Variants in EPN1 observed in about 807,000 individuals in gnomAD.
The protein encoded by EPN1 is epsin-1.
Under a neutral mutation model 56.9 loss-of-function variants are expected in EPN1, and 25 were observed. The ratio of observed to expected loss-of-function variants is 0.44; its 90% CI spans 0.32 to 0.61. The LOEUF is 0.61. EPN1 is among the 20% of genes least tolerant of loss of function. The pLI is 0.05. For synonymous variants in EPN1, 411 were observed against 361.8 expected, an observed-to-expected ratio of 1.14 and a Z score of -1.54; for missense variants, 785 against 823.7, an observed-to-expected ratio of 0.95 and a Z score of 0.58.
At chr19:55,690,922 C>T (rs1215808400) in intron 6 of EPN1, among the ~76,000 whole-genome samples, 1 of 152,202 alleles carries the variant, frequency 6.6e-6, no homozygotes, top group African/African-American at 2.4e-5. Flanking sequence ...AAGGGCTGCC[C>T]TGCTGGGGGA....
rs1396189913 is a variant in EPN1, at chr19:55,691,607, G to C, written c.763-147G>C. On this transcript the variant is annotated intron_variant, in intron 6 of 10. Transcript: ENST00000270460. This position sits in a 1 kb window ranked among gnomAD's most constrained non-coding sequence, Gnocchi z 5.6. ...GGAGGGAGGCCAGGTGGTGTGTTTG[G>C]GGCCTGCCTCCCTCTCACCCCTTAT... 5 of 679,036 alleles carry C rather than the reference G, an allele frequency of 7.4e-6. No individual in the cohort carries two copies. The highest frequency in any genetic ancestry group is 1.3e-5 in the Non-Finnish European group (5 of 398,808). 42.1% of individuals were successfully genotyped at this position (679,036 alleles called of 1,614,324 possible).
chr19:55,685,613 A>C lies in EPN1; in HGVS notation c.446A>C (p.Lys149Thr). 1 of 1,602,840 alleles carries C rather than the reference A, an allele frequency of 6.2e-7. No individual in the cohort carries two copies. ...CGGGAAGAGCGGGCGCACGCGCTCA[A>C]GACCAAGGAAAAGCTGGCACAGACC... Reference protein sequence around the residue: ...RLREERAHALKTKEKLAQTAT... With the variant: ...RLREERAHALTTKEKLAQTAT... The change falls in exon 3 of 11, where the codon AAG (lysine) becomes ACG (threonine). Residue 149 changes from lysine (K) to threonine (T), a missense_variant. By Grantham distance (78) the Lys-to-Thr change is moderately conservative (BLOSUM62 -1). Transcript: ENST00000270460.
In EPN1 at chr19:55,689,750, G is replaced by A. The variant is rs1334582173; in HGVS notation, c.679-117G>A. 18 of 943,740 alleles carry A rather than the reference G, an allele frequency of 1.9e-5. No individual in the cohort carries two copies. The highest frequency in any genetic ancestry group is 4.9e-5 in the African/African-American group (3 of 61,630). The allele number at this position is 943,740 out of a possible 1,614,324, so 58.5% of individuals were successfully genotyped here. ...TTTCATACATTGTCCGCATCCCATC[G>A]AATCCTTCAGCCGCTTTCGTTGGGG... On this transcript the variant is annotated intron_variant, in intron 5 of 10. Transcript: ENST00000270460. This position sits in a 1 kb window ranked among gnomAD's most constrained non-coding sequence, Gnocchi z 5.7.
At position 55,692,421 on chromosome 19, in the gene EPN1, C is replaced by T. The variant is rs183961924; in HGVS notation, c.1067-265C>T. 1.1e-4 allele frequency among the ~76,000 whole-genome samples: 16 copies of T among 151,496 alleles called. No individual in the cohort carries two copies. In the East Asian group the frequency reaches 1.2e-3, roughly 11 times the overall value. ...CCCAGCTGGACAGGGGAGGGGTGGC[C>T]GAGCCGTGGGAGCTGAGGGAGGGCT... On this transcript the variant is annotated intron_variant, in intron 7 of 10. Transcript: ENST00000270460.
rs1333719558 is a variant in EPN1 at position 55,675,271 on chromosome 19, C to T, written c.-266C>T. The T allele has an allele frequency of 1.3e-5, 2 of 152,018 alleles. No individual in the cohort carries two copies. Among genetic ancestry groups the T allele is most frequent in the African/African-American group, 2.4e-5 (1 of 41,442 alleles). 9.4% of individuals were successfully genotyped at this position (152,018 alleles called of 1,614,324 possible). On this transcript the variant is annotated 5_prime_UTR_variant, in exon 1 of 11. Transcript: ENST00000270460. ...GGCGGCTCCCCTCCCCCGCCCGGCT[C>T]TCCGCGCCCCTTCTGGGCGGCGGGG... is the stretch of plus-strand genomic sequence containing the variant.
rs962973188 is a variant in EPN1, at chr19:55,699,881, A to G, written c.*4525A>G. On this transcript the variant is annotated 3_prime_UTR_variant, in exon 11 of 11. Coordinates refer to ENST00000270460, the MANE Select transcript of EPN1 (RefSeq NM_001130072.2). The stretch of plus-strand genomic sequence containing the variant: ...GGATAATTATATAATGTTATGTTTC[A>G]TCCACATTATTTTAGTATGGATATT... 6.6e-6 allele frequency: 1 copy of G among 151,372 alleles called. No homozygotes were observed. Among genetic ancestry groups the G allele is most frequent in the Non-Finnish European group, 1.5e-5 (1 of 67,888 alleles). 9.4% of individuals were successfully genotyped at this position (151,372 alleles called of 1,614,324 possible).
chr19:55,691,279 A>C lies in EPN1; in HGVS notation c.763-475A>C, dbSNP rs1986528848. 6.6e-6 allele frequency among the ~76,000 whole-genome samples: 1 copy of C among 151,642 alleles called. No homozygotes were observed. Among genetic ancestry groups the C allele is most frequent in the Non-Finnish European group, 1.5e-5 (1 of 67,858 alleles). On this transcript the variant is annotated intron_variant, in intron 6 of 10. Transcript: ENST00000270460. This position sits in a 1 kb window ranked among gnomAD's most constrained non-coding sequence, Gnocchi z 5.6. ...GGCATCGTGAGGGGTGCTCAGGTTGACCTGAGTGGGTTCATGGGGGGCTTC... is the reference window on the plus strand; with the variant it reads ...GGCATCGTGAGGGGTGCTCAGGTTGCCCTGAGTGGGTTCATGGGGGGCTTC...
rs369334871 is a variant in EPN1, at chr19:55,691,920, G to A, written c.929G>A (p.Gly310Asp). Residue 310 changes from glycine to aspartate, a missense_variant, in exon 7 of 11, where the codon GGT (glycine) becomes GAT (aspartate). By Grantham distance (94) the Gly-to-Asp change is moderately conservative. Around this residue, in one of 2 missense-constraint regions of EPN1, gnomAD observed 650 missense variants for 605.0 expected, o/e 1.07. Coordinates refer to ENST00000270460, the MANE Select transcript of EPN1 (RefSeq NM_001130072.2). The surrounding 1 kb of genome is among the most constrained non-coding windows in gnomAD (Gnocchi z 5.6). ...CCTCCAGCTGCTGATCCCTGGGGAGGTCCAGCCCCCACGCCGGCCTCTGGG... is the reference window on the plus strand; with the variant it reads ...CCTCCAGCTGCTGATCCCTGGGGAGATCCAGCCCCCACGCCGGCCTCTGGG... ...PVPPAADPWG[G>D]PAPTPASGDP... 88 of 1,570,268 alleles carry A rather than the reference G, an allele frequency of 5.6e-5. No individual in the cohort carries two copies. The highest frequency in any genetic ancestry group is 1.8e-4 in the Middle Eastern group (1 of 5,496).
At position 55,692,938 on chromosome 19, in the gene EPN1, C is replaced by T; in HGVS notation, c.1178-13C>T. The T allele has an allele frequency of 6.2e-7, 1 of 1,613,146 alleles. No individual in the cohort carries two copies. Among genetic ancestry groups the T allele is most frequent in the African/African-American group, 1.3e-5 (1 of 75,042 alleles). ...CCCAGGGAGGGGCTGAGCAGAACAT[C>T]CTGACCCCACAGCAGCCGGGGGATT... On this transcript the variant is annotated splice_polypyrimidine_tract_variant and intron_variant, in intron 8 of 10. Coordinates refer to ENST00000270460, the MANE Select transcript of EPN1 (RefSeq NM_001130072.2).
intron 2 of EPN1, among the ~76,000 whole-genome samples, chr19:55,684,374 C>A (rs907044525): frequency 6.6e-6 from 1 of 152,072 alleles, no homozygotes; most frequent in Non-Finnish European, 1.5e-5. Context: ...GACCAAGACA[C>A]CCCCTGCAGA....
At chr19:55,693,649 T>C (rs1986726114) in intron 9 of EPN1, among the ~76,000 whole-genome samples, 1 of 152,238 alleles carries the variant, frequency 6.6e-6, no homozygotes, top group Non-Finnish European at 1.5e-5. Context: ...GATACCTGTC[T>C]GTCCCATGAT....
rs1236113104 is a variant in EPN1 at position 55,706,665 on chromosome 19, A to G, written c.*11309A>G. The stretch of plus-strand genomic sequence containing the variant: ...GGGGAAGGAAAAGGAAAGAAAGAAA[A>G]GAGGGGAAGGGAAGGGAGAGATTTA... On this transcript the variant is annotated 3_prime_UTR_variant, in exon 11 of 11. Transcript: ENST00000270460. The G allele has an allele frequency of 8.8e-6, 1 of 113,406 alleles. No homozygotes were observed. The highest frequency in any genetic ancestry group is 1.8e-5 in the Non-Finnish European group (1 of 55,788). 7.0% of individuals were successfully genotyped at this position (113,406 alleles called of 1,614,324 possible). A position where few individuals can be genotyped will look rare whatever the true frequency, so the allele number is the denominator to read the frequency against.
rs529470462 is a variant in EPN1, at chr19:55,679,972, C to G, written c.228+1117C>G. On this transcript the variant is annotated intron_variant, in intron 2 of 10. Transcript: ENST00000270460. ...AGAGGGGATGAATCCAGAGGGGCCCCAGACGCACATCCTTCCTGGTCAGTG... is the reference window on the plus strand; with the variant it reads ...AGAGGGGATGAATCCAGAGGGGCCCGAGACGCACATCCTTCCTGGTCAGTG... Among the ~76,000 whole-genome samples the G allele has an allele frequency of 7.2e-4, 109 of 152,278 alleles. 2 individuals are homozygous for G. Among genetic ancestry groups the G allele is most frequent in the Middle Eastern group, 3.4e-3 (1 of 294 alleles).
At chr19:55,677,379 G>T (rs1985507619) in intron 1 of EPN1, among the ~76,000 whole-genome samples, 1 of 152,170 alleles carries the variant, frequency 6.6e-6, no homozygotes, top group Non-Finnish European at 1.5e-5. Flanking sequence ...AGTGTCTGCT[G>T]GTGTCATCAT....
At position 55,692,798 on chromosome 19, in the gene EPN1, T is replaced by C. The variant is rs1383953817; in HGVS notation, c.1177+2T>C. 1.3e-6 allele frequency: 2 copies of C among 1,595,002 alleles called. No homozygotes were observed. Among genetic ancestry groups the C allele is most frequent in the Non-Finnish European group, 1.7e-6 (2 of 1,169,672 alleles). Reference sequence around the variant, plus strand: ...AGCCCAGCACCAATGGCACAACAGGTACTGGAATGGGGGTGGGAATGGAGC... The same window carrying C: ...AGCCCAGCACCAATGGCACAACAGGCACTGGAATGGGGGTGGGAATGGAGC... On this transcript the variant is annotated splice_donor_variant, in intron 8 of 10. Transcript: ENST00000270460. LOFTEE classifies it high-confidence loss of function.
Position 55,695,431 on chromosome 19 carries a change from A to C in EPN1, c.*75A>C, listed in dbSNP as rs1986863669. On this transcript the variant is annotated 3_prime_UTR_variant, in exon 11 of 11. Coordinates refer to ENST00000270460, the MANE Select transcript of EPN1 (RefSeq NM_001130072.2). This position sits in a 1 kb window ranked among gnomAD's most constrained non-coding sequence, Gnocchi z 4.4. The stretch of plus-strand genomic sequence containing the variant: ...CCTGGGAGATCAGTGTTGTGAGTGC[A>C]TGTGAAATGGGGGATCCCCACCCCC... 1 of 794,544 alleles carries C rather than the reference A, an allele frequency of 1.3e-6. No homozygotes were observed. The highest frequency in any genetic ancestry group is 1.7e-5 in the African/African-American group (1 of 57,882). The allele number at this position is 794,544 out of a possible 1,614,324, so 49.2% of individuals were successfully genotyped here.
At chr19:55,681,887 G>A (rs956298831) in intron 2 of EPN1, among the ~76,000 whole-genome samples, 1 of 152,004 alleles carries the variant, frequency 6.6e-6, no homozygotes, top group East Asian at 1.9e-4. Flanking sequence ...AGCTCACTGA[G>A]CCTTGACCTC....
At chr19:55,684,271 C>T (rs975410745) in intron 2 of EPN1, among the ~76,000 whole-genome samples, 1 of 152,172 alleles carries the variant, frequency 6.6e-6, no homozygotes, top group African/African-American at 2.4e-5. Flanking sequence ...ATAGCTGACT[C>T]TTCCCCTAGG....
Position 55,689,111 on chromosome 19 carries a change from C to G in EPN1, c.603+117C>G, listed in dbSNP as rs934310840. On this transcript the variant is annotated intron_variant, in intron 4 of 10. Transcript: ENST00000270460. This position sits in a 1 kb window ranked among gnomAD's most constrained non-coding sequence, Gnocchi z 5.7. ...ACTGTCGCTGCTCCACATGCTGTCA[C>G]TCGTCTCCTCCCCAGTCCTGCCTCA... The G allele has an allele frequency of 8.7e-6, 12 of 1,378,528 alleles. No individual in the cohort carries two copies. The highest frequency in any genetic ancestry group is 1.2e-5 in the Non-Finnish European group (12 of 1,031,922). 85.4% of individuals were successfully genotyped at this position (1,378,528 alleles called of 1,614,324 possible).
Sources: gnomAD v4.1 joint callset for allele counts (sites outside exome capture counted in the v4.1 genomes callset) on GRCh38, gnomAD v4.1.1 for gene constraint, gnomAD v4.1.1 regional missense constraint, Gnocchi (gnomAD v3.1) non-coding constraint, MANE v1.5 for transcripts, NCBI Gene and HGNC (gene_info 2026-07-23, HGNC 2026-07-21) for gene names.